The following SLC12A1 variants were observed in gnomAD, a reference collection of about 807,000 sequenced individuals.
The protein encoded by SLC12A1 is solute carrier family 12 member 1, also known as Na-K-2Cl cotransporter.
SLC12A1 carries 89 observed loss-of-function variants against 130.4 expected under a neutral mutation model. The observed-to-expected ratio is 0.68, with a 90% CI of 0.58 to 0.81. The LOEUF (loss-of-function observed/expected upper bound fraction) is 0.81. SLC12A1 is among the 40% of genes least tolerant of loss of function. The probability of loss-of-function intolerance (pLI) is 0.00; values close to 1 mark genes in which losing one functional copy is unlikely to be tolerated. For missense variants in SLC12A1, 1,310 were observed against 1,336.4 expected, an observed-to-expected ratio of 0.98 and a Z score of 0.31; for synonymous variants, 499 against 460.0, an observed-to-expected ratio of 1.08 and a Z score of -1.09.
Position 48,222,262 on chromosome 15 carries a change from G to C in SLC12A1, c.628+1266G>C, listed in dbSNP as rs1281062895. 2.0e-5 allele frequency: 3 copies of C among 152,244 alleles called. No homozygotes were observed. The East Asian group carries it at 5.8e-4, about 29-fold the overall frequency. 9.4% of individuals were successfully genotyped at this position (152,244 alleles called of 1,614,324 possible). ...AAGAAACATTACTTTGTTTGGAGGT[G>C]TGAGAGTAGCCAAGGGCAAGAGTAA... On this transcript the variant is annotated intron_variant, in intron 4 of 26. Transcript: ENST00000380993.
At chr15:48,244,455 T>C (rs1050637231) in intron 10 of SLC12A1, among the ~76,000 whole-genome samples, 2 of 152,200 alleles carry the variant, frequency 1.3e-5, no homozygotes, top group East Asian at 3.9e-4. Context: ...GTATGTGTTA[T>C]GTACCAAGCA....
chr15:48,284,016 C>CA (rs1473322589), intron 20 of SLC12A1, among the ~76,000 whole-genome samples: 5 of 152,116 alleles, frequency 3.3e-5, no homozygotes, highest in Non-Finnish European at 4.4e-5. Flanking sequence ...AATCGGAATC[C>CA]AAAAAAGATA....
intron 2 of SLC12A1, among the ~76,000 whole-genome samples, chr15:48,211,368 T>G (rs1311476553): frequency 6.6e-6 from 1 of 152,212 alleles, no homozygotes. Context: ...CTCTCCTTAC[T>G]TTTCCCCCCT....
At chr15:48,247,062 A>C (rs2041591334) in intron 12 of SLC12A1, 46 bp downstream of exon 12, 2 of 1,404,130 alleles carry the variant, frequency 1.4e-6, no homozygotes, top group Non-Finnish European at 2.0e-6. Flanking sequence ...TGCTATTTCC[A>C]CAGAATGTGA....
intron 25 of SLC12A1, among the ~76,000 whole-genome samples, 180 bp downstream of exon 25, chr15:48,299,455 T>C (rs34759433): frequency 2.0e-5 from 3 of 152,332 alleles, no homozygotes; most frequent in Non-Finnish European, 4.4e-5. Flanking sequence ...TTAGAAAACT[T>C]TTTCATTTTT....
intron 21 of SLC12A1, among the ~76,000 whole-genome samples, chr15:48,285,769 T>G (rs2042050236): frequency 1.3e-5 from 2 of 152,242 alleles, no homozygotes; most frequent in South Asian, 4.1e-4. Context: ...ATCTAAATGC[T>G]ACACTTATAT....
At chr15:48,256,825 C>CA (rs971062277) in intron 16 of SLC12A1, among the ~76,000 whole-genome samples, 7 of 140,346 alleles carry the variant, frequency 5.0e-5, no homozygotes, top group Non-Finnish European at 7.8e-5. Flanking sequence ...ATCCCTGGCC[C>CA]CCCCCCCCAA....
In SLC12A1 at chr15:48,234,899, T is replaced by G. The variant is rs1433723582; in HGVS notation, c.1110T>G (p.Phe370Leu). ...NYQASIFAEN[F>L]GPRFTKGEGF... ...CAGCATCAATATTTGCAGAAAACTT[T>G]GGGCCACGCTTCACAAAGGGTGAAG... The change falls in exon 9 of 27, where the codon TTT becomes TTG. Residue 370 changes from phenylalanine to leucine, a missense_variant. By Grantham distance (22) the Phe-to-Leu change is conservative. Transcript: ENST00000380993. 6.2e-7 allele frequency: 1 copy of G among 1,613,838 alleles called. No homozygotes were observed. The highest frequency in any genetic ancestry group is 1.7e-5 in the Admixed American group (1 of 60,008).
chr15:48,277,605 T>C (rs979004934), intron 20 of SLC12A1, among the ~76,000 whole-genome samples: 2 of 152,134 alleles, frequency 1.3e-5, no homozygotes, highest in African/African-American at 4.8e-5. Flanking sequence ...GAAAACCCAG[T>C]TGTGGTTGTC....
In SLC12A1 at chr15:48,227,435, T is replaced by C. The variant is rs2041304859; in HGVS notation, c.724+864T>C. On this transcript the variant is annotated intron_variant, in intron 5 of 26. Transcript: ENST00000380993. ...TCTAGTAAGAAGGTATGGAATATTA[T>C]AGCAAAATATATGGTTTCTTTGTAC... The C allele has an allele frequency of 8.4e-6, 4 of 477,750 alleles. No individual in the cohort carries two copies. In the South Asian group the frequency reaches 9.2e-5, roughly 11 times the overall value. 29.6% of individuals were successfully genotyped at this position (477,750 alleles called of 1,614,324 possible).
intron 17 of SLC12A1, 28 bp from the exon 18 acceptor site, chr15:48,267,533 C>G: frequency 1.2e-6 from 2 of 1,612,250 alleles, no homozygotes; most frequent in Non-Finnish European, 1.7e-6. Flanking sequence ...TAGCAGGGTT[C>G]TAACCAATAT....
In SLC12A1 at chr15:48,220,725, A is replaced by G. The variant is rs746504893; in HGVS notation, c.512A>G (p.Gln171Arg). The G allele has an allele frequency of 1.2e-5, 19 of 1,613,842 alleles. No homozygotes were observed. The highest frequency in any genetic ancestry group is 1.6e-5 in the Non-Finnish European group (19 of 1,179,872). ...CAAGCTGAAAATAAGGAAGATGATC[A>G]AGCTGGTGTTGTGAAGTTTGGATGG... ...DEQAENKEDD[Q>R]AGVVKFGWVK... is the part of the protein sequence containing the mutation. Residue 171 changes from glutamine (Q) to arginine (R), a missense_variant, in exon 3 of 27, where the codon CAA becomes CGA. Physicochemically the swap from Gln to Arg is conservative, Grantham distance 43 (BLOSUM62 1). Transcript: ENST00000380993.
intron 24 of SLC12A1, among the ~76,000 whole-genome samples, chr15:48,296,300 T>C (rs1463792186): frequency 1.3e-5 from 2 of 152,206 alleles, no homozygotes; most frequent in Admixed American, 6.5e-5. Context: ...TAAGTCTTGA[T>C]GGAGGAATTT....
chr15:48,269,875 G>C, intron 19 of SLC12A1, 111 bp downstream of exon 19: 1 of 538,518 alleles, frequency 1.9e-6, no homozygotes, highest in South Asian at 2.6e-5. Flanking sequence ...CCTGAGAAGA[G>C]TACATTCCCC....
intron 4 of SLC12A1, chr15:48,225,923 G>C: frequency 2.0e-6 from 2 of 983,282 alleles, no homozygotes; most frequent in Non-Finnish European, 2.4e-6. Flanking sequence ...CTCTGCTATT[G>C]CCACAAATGG....
At chr15:48,224,831 C>A (rs1410521014) in intron 4 of SLC12A1, 1 of 152,136 alleles carries the variant, frequency 6.6e-6, no homozygotes, top group African/African-American at 2.4e-5. Flanking sequence ...TTTGTAGACT[C>A]CTGGCTATGT....
At chr15:48,229,130 C>A in intron 5 of SLC12A1, 59 bp from the exon 6 acceptor site, 1 of 1,506,548 alleles carries the variant, frequency 6.6e-7, no homozygotes, top group East Asian at 2.4e-5. Context: ...TAGTCACAAT[C>A]GTTTGGTTAT....
At chr15:48,277,650 C>T (rs184459306) in intron 20 of SLC12A1, among the ~76,000 whole-genome samples, 1 of 152,286 alleles carries the variant, frequency 6.6e-6, no homozygotes, top group East Asian at 1.9e-4. Flanking sequence ...CTCCAAGGTA[C>T]AGGAGCGGCA....
rs191934227 is a variant in SLC12A1 at position 48,237,708 on chromosome 15, T to C, written c.1215+2704T>C. 2.1e-4 allele frequency among the ~76,000 whole-genome samples: 32 copies of C among 152,326 alleles called. No individual in the cohort carries two copies. In the East Asian group the frequency reaches 5.8e-3, roughly 28 times the overall value. Reference sequence around the variant, plus strand: ...CTATATACTATATACTTTTACTATATACAGAACTCAGGGGTCCTTTTAACT... The same window carrying C: ...CTATATACTATATACTTTTACTATACACAGAACTCAGGGGTCCTTTTAACT... On this transcript the variant is annotated intron_variant, in intron 9 of 26. Coordinates refer to ENST00000380993, the MANE Select transcript of SLC12A1 (RefSeq NM_000338.3).
Sources: gnomAD v4.1 joint callset for allele counts (sites outside exome capture counted in the v4.1 genomes callset) on GRCh38, gnomAD v4.1.1 for gene constraint, MANE v1.5 for transcripts, NCBI Gene and HGNC (gene_info 2026-07-23, HGNC 2026-07-21) for gene names.